The following KLF15 variants were observed in gnomAD, a reference collection of about 807,000 sequenced individuals.
The protein encoded by KLF15 is KLF transcription factor 15, also known as Krueppel-like factor 15.
Under a neutral mutation model 24.6 loss-of-function variants are expected in KLF15, and 4 were observed. The ratio of observed to expected loss-of-function variants is 0.16; its 90% confidence interval spans 0.08 to 0.37. The LOEUF is 0.37. KLF15 is among the 10% of genes least tolerant of loss of function. KLF15 has a pLI of 1.00. For synonymous variants in KLF15, 246 were observed against 236.3 expected (o/e 1.04, Z -0.37); for missense variants, 496 against 560.6 (o/e 0.88, Z 1.16).
At chr3:126,348,909 C>A (rs2082559291) in intron 2 of KLF15, among the ~76,000 whole-genome samples, 1 of 152,156 alleles carries the variant, frequency 6.6e-6, no homozygotes, top group African/African-American at 2.4e-5. Context: ...ATGCAAGTTA[C>A]AATAGTGGGC....
the KLF15 span, among the ~76,000 whole-genome samples, chr3:126,334,418 A>G: frequency 1.5e-5 from 2 of 133,638 alleles, no homozygotes; most frequent in African/African-American, 5.6e-5. Context: ...GATGCATTCA[A>G]AGCAGTGTGT....
At chr3:126,310,342 T>C in the KLF15 span, among the ~76,000 whole-genome samples, 17 of 152,358 alleles carry the variant, frequency 1.1e-4, no homozygotes, top group African/African-American at 4.1e-4. Context: ...CTGCAGGCTA[T>C]GGCCCCAGCT....
At chr3:126,330,884 C>T in the KLF15 span, among the ~76,000 whole-genome samples, 1 of 152,166 alleles carries the variant, frequency 6.6e-6, no homozygotes, top group Non-Finnish European at 1.5e-5. Flanking sequence ...TCTATGTCTC[C>T]AGTGTCTCTG....
chr3:126,321,136 A>G, the KLF15 span, among the ~76,000 whole-genome samples: 11 of 152,214 alleles, frequency 7.2e-5, no homozygotes, highest in African/African-American at 2.6e-4. Context: ...CAGGTGTAGC[A>G]TGTGTACTAC....
chr3:126,303,415 A>T, the KLF15 span, among the ~76,000 whole-genome samples: 1 of 152,018 alleles, frequency 6.6e-6, no homozygotes, highest in Admixed American at 6.6e-5. Context: ...CTAGGTTAAC[A>T]ATCCTCCCCC....
chr3:126,310,899 C>T, the KLF15 span, among the ~76,000 whole-genome samples: 25 of 152,170 alleles, frequency 1.6e-4, no homozygotes, highest in African/African-American at 1.7e-4. Context: ...TCTCAAGCCC[C>T]GCTGTGGGCT....
the KLF15 span, among the ~76,000 whole-genome samples, chr3:126,311,653 C>T: frequency 2.0e-5 from 3 of 152,354 alleles, no homozygotes; most frequent in South Asian, 4.1e-4. Context: ...CACTTTCCTT[C>T]CCAGGCTGAG....
the KLF15 span, among the ~76,000 whole-genome samples, chr3:126,320,804 G>A: frequency 6.6e-6 from 1 of 152,034 alleles, no homozygotes; most frequent in East Asian, 1.9e-4. Flanking sequence ...CAGAGCAGGA[G>A]GATCACTAGT....
At chr3:126,349,277 G>A (rs1560039334) in intron 2 of KLF15, among the ~76,000 whole-genome samples, 1 of 152,156 alleles carries the variant, frequency 6.6e-6, no homozygotes, top group East Asian at 1.9e-4. Context: ...CCCCACCAGG[G>A]CCAGACCCAC....
intron 2 of KLF15, among the ~76,000 whole-genome samples, chr3:126,346,231 GC>G (rs2082534985): frequency 6.6e-6 from 1 of 152,202 alleles, no homozygotes; most frequent in Non-Finnish European, 1.5e-5. Context: ...AGAGGAGCTG[GC>G]CCAGGGCAGG....
At chr3:126,328,603 G>T in the KLF15 span, among the ~76,000 whole-genome samples, 3 of 151,940 alleles carry the variant, frequency 2.0e-5, no homozygotes, top group Admixed American at 6.6e-5. Context: ...ACTGTTTTTT[G>T]ATTTTTTTAT....
At chr3:126,331,868 G>C in the KLF15 span, among the ~76,000 whole-genome samples, 8 of 152,160 alleles carry the variant, frequency 5.3e-5, no homozygotes, top group Non-Finnish European at 8.8e-5. Flanking sequence ...GATGCACCTG[G>C]AAAATCGGGT....
the KLF15 span, among the ~76,000 whole-genome samples, chr3:126,323,460 TAAC>T: frequency 9.3e-5 from 9 of 96,974 alleles, no homozygotes; most frequent in African/African-American, 3.0e-4. Context: ...TATATATATA[TAAC>T]ATATATATGT....
At chr3:126,337,490 T>G in the KLF15 span, among the ~76,000 whole-genome samples, 1 of 145,980 alleles carries the variant, frequency 6.9e-6, no homozygotes, top group East Asian at 2.1e-4. Flanking sequence ...GATGAGTTAG[T>G]GGGTGCAGCG....
chr3:126,306,923 G>A, the KLF15 span, among the ~76,000 whole-genome samples: 10 of 152,156 alleles, frequency 6.6e-5, no homozygotes, highest in Non-Finnish European at 1.3e-4. Context: ...CACCCAAGCT[G>A]TCTCCTTGCC....
At chr3:126,326,517 T>G in the KLF15 span, among the ~76,000 whole-genome samples, 3 of 152,222 alleles carry the variant, frequency 2.0e-5, no homozygotes, top group Non-Finnish European at 4.4e-5. Flanking sequence ...AATTTATAGA[T>G]GAATATGATG....
chr3:126,316,036 G>A, the KLF15 span, among the ~76,000 whole-genome samples: 1 of 152,224 alleles, frequency 6.6e-6, no homozygotes, highest in Non-Finnish European at 1.5e-5. Flanking sequence ...CTGTCTCTGT[G>A]CAAGCTGGGA....
chr3:126,298,476 A>G, the KLF15 span, among the ~76,000 whole-genome samples: 1 of 151,394 alleles, frequency 6.6e-6, no homozygotes, highest in Non-Finnish European at 1.5e-5. Context: ...TAGCTCCATT[A>G]TATCTCATTT....
chr3:126,343,542 G>A lies in KLF15; in HGVS notation c.*185C>T. On this transcript the variant is annotated 3_prime_UTR_variant, in exon 3 of 3. Coordinates refer to ENST00000296233, the MANE Select transcript of KLF15 (RefSeq NM_014079.4). Reference sequence around the variant, plus strand: ...GCCCAGCCCCCAGGGACGCGGGTTCGAGGCTCTAAGTACTCCCGAGAAAGG... The same window carrying A: ...GCCCAGCCCCCAGGGACGCGGGTTCAAGGCTCTAAGTACTCCCGAGAAAGG... The A allele has an allele frequency of 1.7e-6, 1 of 587,412 alleles. No homozygotes were observed. The highest frequency in any genetic ancestry group is 4.6e-4 in the Middle Eastern group (1 of 2,162). The allele number at this position is 587,412 out of a possible 1,614,324, so 36.4% of individuals were successfully genotyped here.
Sources: gnomAD v4.1 joint callset for allele counts (sites outside exome capture counted in the v4.1 genomes callset) on GRCh38, gnomAD v4.1.1 for gene constraint, MANE v1.5 for transcripts, NCBI Gene and HGNC (gene_info 2026-07-23, HGNC 2026-07-21) for gene names.